The following UBE2E2 variants were observed in gnomAD, a reference collection of about 807,000 sequenced individuals.
UBE2E2 encodes the protein ubiquitin-conjugating enzyme E2 E2.
Under a neutral mutation model 24.7 loss-of-function variants are expected in UBE2E2, and 6 were observed. The ratio of observed to expected loss-of-function variants is 0.24; its 90% confidence interval spans 0.13 to 0.48. The LOEUF (loss-of-function observed/expected upper bound fraction) is 0.48. Ranked by LOEUF, UBE2E2 falls within the 20% of genes least tolerant of loss-of-function variation. The pLI is 0.99. For synonymous variants in UBE2E2, 104 were observed against 83.6 expected (o/e 1.24, Z -1.33); for missense variants, 169 against 245.0 (o/e 0.69, Z 2.07).
rs536764170 is a variant in UBE2E2 at position 23,215,134 on chromosome 3, G to GT, written c.177-2122dup. Reference sequence around the variant, plus strand: ...TGTTTCTTATTCCTATGAATAACATGTTTTTTATTCTCTACTTTGTAAATT... The same window carrying GT: ...TGTTTCTTATTCCTATGAATAACATGTTTTTTTATTCTCTACTTTGTAAATT... On this transcript the variant is annotated intron_variant, in intron 2 of 5. Coordinates refer to ENST00000396703, the MANE Select transcript of UBE2E2 (RefSeq NM_152653.4). Among the ~76,000 whole-genome samples, 107 of 151,986 alleles carry GT rather than the reference G, an allele frequency of 7.0e-4. 1 individual carries two copies. The highest frequency in any genetic ancestry group is 2.5e-3 in the African/African-American group (105 of 41,444).
intron 3 of UBE2E2, among the ~76,000 whole-genome samples, chr3:23,336,302 A>G (rs943016019): frequency 6.6e-6 from 1 of 152,196 alleles, no homozygotes; most frequent in Non-Finnish European, 1.5e-5. Context: ...TTATCATGTT[A>G]CTTTCTGAGA....
chr3:23,350,660 A>G (rs1363060413), intron 3 of UBE2E2, among the ~76,000 whole-genome samples: 1 of 152,220 alleles, frequency 6.6e-6, no homozygotes, highest in Non-Finnish European at 1.5e-5. Flanking sequence ...AATGAATGAA[A>G]TGAAGCAAGA....
chr3:23,405,572 A>G (rs1460371391), intron 3 of UBE2E2, among the ~76,000 whole-genome samples: 1 of 152,162 alleles, frequency 6.6e-6, no homozygotes. Flanking sequence ...CAAGAATTCT[A>G]AAAAGTCACT....
intron 3 of UBE2E2, among the ~76,000 whole-genome samples, chr3:23,484,973 G>A (rs1448727391): frequency 6.6e-6 from 1 of 152,090 alleles, no homozygotes; most frequent in Non-Finnish European, 1.5e-5. Flanking sequence ...AGCCATATCA[G>A]TGGGTAACTA....
At chr3:23,291,598 C>T (rs1575536285) in intron 3 of UBE2E2, among the ~76,000 whole-genome samples, 2 of 151,792 alleles carry the variant, frequency 1.3e-5, no homozygotes, top group South Asian at 4.2e-4. Context: ...GCAGTGGTTC[C>T]CAAATTCATG....
chr3:23,507,837 A>AAG (rs1694491660), intron 4 of UBE2E2, among the ~76,000 whole-genome samples: 1 of 152,212 alleles, frequency 6.6e-6, no homozygotes, highest in Admixed American at 6.5e-5. Flanking sequence ...AGAATGTTAG[A>AAG]AGAGATTTTG....
chr3:23,296,714 G>C (rs983755722), intron 3 of UBE2E2, among the ~76,000 whole-genome samples: 2 of 152,144 alleles, frequency 1.3e-5, no homozygotes, highest in Admixed American at 6.5e-5. Flanking sequence ...GTCATTGTTG[G>C]ACATTTAGGT....
intron 3 of UBE2E2, among the ~76,000 whole-genome samples, chr3:23,293,827 C>T (rs969025541): frequency 1.3e-5 from 2 of 152,094 alleles, no homozygotes; most frequent in Non-Finnish European, 2.9e-5. Flanking sequence ...TTTTTAAATT[C>T]AGCTTTAGCC....
chr3:23,297,660 A>G (rs1312543207), intron 3 of UBE2E2, among the ~76,000 whole-genome samples: 3 of 152,166 alleles, frequency 2.0e-5, no homozygotes, highest in African/African-American at 4.8e-5. Context: ...CTGTTTTGGT[A>G]CCAGTACCAT....
chr3:23,494,553 G>A (rs372378503), intron 3 of UBE2E2, among the ~76,000 whole-genome samples: 4 of 152,272 alleles, frequency 2.6e-5, no homozygotes, highest in South Asian at 4.1e-4. Context: ...CAAAGTTTTG[G>A]ATGTTGGGTT....
At chr3:23,374,226 CTTCATTTTGAACATTGT>C (rs1696465003) in intron 3 of UBE2E2, among the ~76,000 whole-genome samples, 1 of 152,020 alleles carries the variant, frequency 6.6e-6, no homozygotes, top group Non-Finnish European at 1.5e-5. Flanking sequence ...AATCATGGGC[CTTCATTTTGAACATTGT>C]TTTAAAATCA....
chr3:23,414,538 G>C (rs776388335), intron 3 of UBE2E2, among the ~76,000 whole-genome samples: 1 of 152,204 alleles, frequency 6.6e-6, no homozygotes, highest in Non-Finnish European at 1.5e-5. Context: ...ATGAGATTTG[G>C]GTGGGGACAC....
chr3:23,546,721 C>T (rs1695532940), intron 5 of UBE2E2, among the ~76,000 whole-genome samples: 1 of 152,022 alleles, frequency 6.6e-6, no homozygotes, highest in Admixed American at 6.6e-5. Context: ...GATCCGCCCA[C>T]CTCAGCCTCC....
At chr3:23,530,066 T>C (rs1186204774) in intron 4 of UBE2E2, among the ~76,000 whole-genome samples, 2 of 152,242 alleles carry the variant, frequency 1.3e-5, no homozygotes, top group Non-Finnish European at 2.9e-5. Context: ...AATGAGTTTT[T>C]CAGTTTCCAA....
In UBE2E2 at chr3:23,290,046, T is replaced by G. The variant is rs575719696; in HGVS notation, c.227+72734T>G. Among the ~76,000 whole-genome samples the G allele has an allele frequency of 1.1e-3, 160 of 152,366 alleles. 1 individual carries two copies. The highest frequency in any genetic ancestry group is 3.8e-3 in the African/African-American group (156 of 41,578). Reference sequence around the variant, plus strand: ...AAATTTGAGTTAACACAAGGGTGAATATATTTTAAGCCAGTTTATATTTTA... The same window carrying G: ...AAATTTGAGTTAACACAAGGGTGAAGATATTTTAAGCCAGTTTATATTTTA... On this transcript the variant is annotated intron_variant, in intron 3 of 5. Transcript: ENST00000396703.
intron 5 of UBE2E2, among the ~76,000 whole-genome samples, chr3:23,562,596 G>A (rs1422925034): frequency 1.3e-5 from 2 of 152,152 alleles, no homozygotes; most frequent in Non-Finnish European, 2.9e-5. Flanking sequence ...AATGAGTTAG[G>A]GAGGATTCCC....
chr3:23,501,785 C>G (rs1052069959), intron 4 of UBE2E2, among the ~76,000 whole-genome samples: 5 of 152,122 alleles, frequency 3.3e-5, no homozygotes, highest in Admixed American at 1.3e-4. Context: ...AGCTCTACCT[C>G]TGAGACACCA....
At chr3:23,531,733 T>C (rs1190900061) in intron 4 of UBE2E2, among the ~76,000 whole-genome samples, 1 of 152,210 alleles carries the variant, frequency 6.6e-6, no homozygotes, top group Non-Finnish European at 1.5e-5. Flanking sequence ...GAACTGGGCA[T>C]GTTATTTATA....
intron 3 of UBE2E2, among the ~76,000 whole-genome samples, chr3:23,339,115 A>G (rs889862183): frequency 6.6e-6 from 1 of 152,220 alleles, no homozygotes; most frequent in South Asian, 2.1e-4. Context: ...GATATGATGT[A>G]CTGAGAACGA....
Sources: allele counts gnomAD v4.1 joint callset (sites outside exome capture counted in the v4.1 genomes callset), GRCh38; gene constraint gnomAD v4.1.1; transcripts MANE v1.5; gene names NCBI Gene and HGNC (gene_info 2026-07-23, HGNC 2026-07-21).